GLIS3: variants seen among roughly 807,000 people sequenced by gnomAD.
GLIS3 encodes GLIS family zinc finger 3.
GLIS3 carries 53 observed loss-of-function variants against 78.6 expected under a neutral mutation model. The ratio of observed to expected loss-of-function variants is 0.67; its 90% CI spans 0.54 to 0.85. GLIS3 has a LOEUF of 0.85. Among genes scored for constraint, GLIS3 ranks in the 40% least tolerant of loss-of-function variants. GLIS3 has a pLI of 0.00. For missense variants in GLIS3, 1,703 were observed against 1,231.1 expected (o/e 1.38, Z -5.74); for synonymous variants, 684 against 509.9 (o/e 1.34, Z -4.60).
At chr9:4,045,371 T>C (rs771915602) in intron 4 of GLIS3, among the ~76,000 whole-genome samples, 3 of 152,110 alleles carry the variant, frequency 2.0e-5, no homozygotes, top group Non-Finnish European at 4.4e-5. Context: ...AATCTCGCTC[T>C]ATCACCCAGG....
At chr9:3,937,477 A>G (rs1825962208) in intron 4 of GLIS3, among the ~76,000 whole-genome samples, 1 of 152,208 alleles carries the variant, frequency 6.6e-6, no homozygotes, top group South Asian at 2.1e-4. Context: ...TGGCTCTGTT[A>G]ATAAAAATAC....
At chr9:4,050,418 C>A (rs187883207) in intron 4 of GLIS3, among the ~76,000 whole-genome samples, 2,425 of 151,806 alleles carry the variant, frequency 0.016, 60 homozygotes, top group African/African-American at 0.047. Flanking sequence ...GTACACAGGG[C>A]GGGGAACATC....
chr9:4,206,951 T>C (rs1413174562), intron 2 of GLIS3, among the ~76,000 whole-genome samples: 1 of 152,206 alleles, frequency 6.6e-6, no homozygotes, highest in African/African-American at 2.4e-5. Context: ...TTAATATCCT[T>C]ATTTGGACAT....
chr9:3,888,700 T>C (rs1047919376), intron 7 of GLIS3, among the ~76,000 whole-genome samples: 3 of 152,238 alleles, frequency 2.0e-5, no homozygotes, highest in Non-Finnish European at 2.9e-5. Flanking sequence ...ATTCACACTC[T>C]GACCACAATC....
intron 4 of GLIS3, among the ~76,000 whole-genome samples, chr9:3,945,427 T>C (rs1475231202): frequency 2.0e-5 from 3 of 152,188 alleles, no homozygotes; most frequent in Admixed American, 2.0e-4. Context: ...CATGAACATA[T>C]TGAGTTTCTT....
intron 4 of GLIS3, among the ~76,000 whole-genome samples, chr9:4,115,064 G>T (rs1312596015): frequency 6.6e-6 from 1 of 152,152 alleles, no homozygotes; most frequent in African/African-American, 2.4e-5. Flanking sequence ...CTTACTGTAA[G>T]CAAGCCGTCA....
intron 4 of GLIS3, among the ~76,000 whole-genome samples, chr9:4,066,418 G>A (rs543080316): frequency 1.3e-5 from 2 of 152,206 alleles, no homozygotes; most frequent in East Asian, 1.9e-4. Flanking sequence ...CATTTTTCCA[G>A]CCACCTCCTG....
chr9:4,106,571 G>A (rs1023870657), intron 4 of GLIS3, among the ~76,000 whole-genome samples: 12 of 152,192 alleles, frequency 7.9e-5, no homozygotes, highest in African/African-American at 2.9e-4. Flanking sequence ...GACCAAAAGT[G>A]TCCATAGAGG....
At chr9:4,443,286 T>C in the GLIS3 span, among the ~76,000 whole-genome samples, 1 of 152,208 alleles carries the variant, frequency 6.6e-6, no homozygotes, top group African/African-American at 2.4e-5. Flanking sequence ...TCATTTCTGA[T>C]AAATAAGGAC....
intron 4 of GLIS3, among the ~76,000 whole-genome samples, chr9:4,048,355 G>A (rs910708177): frequency 5.3e-5 from 8 of 152,128 alleles, no homozygotes; most frequent in African/African-American, 1.9e-4. Flanking sequence ...CACTGTAAGG[G>A]ATCCTGCTGG....
intron 2 of GLIS3, chr9:4,152,247 T>C (rs1834739892): frequency 9.3e-6 from 3 of 320,888 alleles, no homozygotes; most frequent in East Asian, 3.4e-4. Flanking sequence ...CTGGGAACCT[T>C]TGTGAGGCAG....
At chr9:4,344,966 C>T (rs368300784) in intron 2 of GLIS3, among the ~76,000 whole-genome samples, 4 of 152,346 alleles carry the variant, frequency 2.6e-5, no homozygotes. Flanking sequence ...ACTTATCTCT[C>T]ATGTGAATTA....
intron 8 of GLIS3, among the ~76,000 whole-genome samples, chr9:3,867,049 G>GTGTTTGGGAAAAGGGAAGAATCTGAGT (rs1286350833): frequency 5.3e-5 from 8 of 152,188 alleles, no homozygotes; most frequent in African/African-American, 1.9e-4. Context: ...AGATGTGAGA[G>GTGTTTGGGAAAAGGGAAGAATCTGAGT]TGTTTGGGAA....
At chr9:4,279,444 G>A (rs1827353395) in intron 2 of GLIS3, among the ~76,000 whole-genome samples, 1 of 143,114 alleles carries the variant, frequency 7.0e-6, no homozygotes, top group Admixed American at 7.0e-5. Context: ...AGAGGAACTG[G>A]AAGAAAAAAA....
intron 2 of GLIS3, among the ~76,000 whole-genome samples, chr9:4,164,061 A>C (rs1835701690): frequency 6.6e-6 from 1 of 152,330 alleles, no homozygotes; most frequent in Admixed American, 6.5e-5. Context: ...TCTTCCTCTA[A>C]ACACAAAATA....
the GLIS3 span, among the ~76,000 whole-genome samples, chr9:4,407,663 G>T: frequency 6.6e-6 from 1 of 151,936 alleles, no homozygotes; most frequent in Non-Finnish European, 1.5e-5. Context: ...AAAGGAAAAA[G>T]AAAAAAAGAA....
the GLIS3 span, among the ~76,000 whole-genome samples, chr9:4,416,609 T>G: frequency 2.0e-5 from 3 of 152,146 alleles, no homozygotes; most frequent in Non-Finnish European, 4.4e-5. Flanking sequence ...CTTTGTACTT[T>G]CAGTGTTACA....
intron 2 of GLIS3, among the ~76,000 whole-genome samples, chr9:4,132,515 A>C (rs1833054071): frequency 6.6e-6 from 1 of 152,206 alleles, no homozygotes. Context: ...ACAAGAATGA[A>C]ATATATCTGG....
chr9:4,185,657 T>G (rs572838433), intron 2 of GLIS3, among the ~76,000 whole-genome samples: 2 of 152,316 alleles, frequency 1.3e-5, no homozygotes, highest in African/African-American at 4.8e-5. Context: ...ATGGCCAGTT[T>G]GAAGAAGGGA....
Sources: gnomAD v4.1 joint callset for allele counts (sites outside exome capture counted in the v4.1 genomes callset) on GRCh38, gnomAD v4.1.1 for gene constraint, MANE v1.5 for transcripts, NCBI Gene and HGNC (gene_info 2026-07-23, HGNC 2026-07-21) for gene names.